Variants in CUX1 observed in about 807,000 individuals in gnomAD.
CUX1 encodes protein CASP.
CUX1 carries 31 observed loss-of-function variants against 158.8 expected under a neutral mutation model. The observed-to-expected ratio is 0.20, with a 90% CI of 0.15 to 0.26. CUX1 has a LOEUF of 0.26. Ranked by LOEUF, CUX1 falls within the 10% of genes least tolerant of loss-of-function variation. The probability of loss-of-function intolerance (pLI) is 1.00; values close to 1 mark genes in which losing one functional copy is unlikely to be tolerated. For missense variants in CUX1, 1,589 were observed against 2,014.6 expected (o/e 0.79, Z 4.04); for synonymous variants, 879 against 862.1 (o/e 1.02, Z -0.34).
intron 2 of CUX1, among the ~76,000 whole-genome samples, chr7:101,986,115 TC>T (rs1207633700): frequency 1.3e-5 from 2 of 152,202 alleles, no homozygotes; most frequent in East Asian, 3.8e-4. Context: ...AAAGAGCCCC[TC>T]ACAGACAATT....
intron 1 of CUX1, among the ~76,000 whole-genome samples, chr7:101,828,694 C>G (rs1793660105): frequency 8.9e-6 from 1 of 112,242 alleles, no homozygotes; most frequent in Non-Finnish European, 1.8e-5. Flanking sequence ...AGCAGTGGCC[C>G]TCATAGGCTT....
chr7:101,860,000 C>T (rs942980337), intron 1 of CUX1, among the ~76,000 whole-genome samples: 6 of 148,150 alleles, frequency 4.0e-5, no homozygotes, highest in African/African-American at 1.5e-4. Context: ...CCCTACCTTC[C>T]TCCCTTCCTT....
At chr7:101,968,339 T>C (rs1318561077) in intron 2 of CUX1, among the ~76,000 whole-genome samples, 1 of 152,190 alleles carries the variant, frequency 6.6e-6, no homozygotes, top group Non-Finnish European at 1.5e-5. Flanking sequence ...GTGGGTCCCC[T>C]GGACAACCCT....
At chr7:102,139,538 T>TA (rs1834230481) in intron 8 of CUX1, among the ~76,000 whole-genome samples, 2 of 152,196 alleles carry the variant, frequency 1.3e-5, no homozygotes, top group South Asian at 4.1e-4. Flanking sequence ...CCCACCCCTG[T>TA]AATCCCAGCA....
chr7:102,045,619 T>C (rs1189022322), intron 3 of CUX1, among the ~76,000 whole-genome samples: 3 of 152,296 alleles, frequency 2.0e-5, no homozygotes, highest in African/African-American at 4.8e-5. Context: ...CTCCATGTTG[T>C]ACAAGTCAAC....
intron 1 of CUX1, among the ~76,000 whole-genome samples, chr7:101,910,826 C>T (rs749912149): frequency 6.6e-6 from 1 of 151,680 alleles, no homozygotes; most frequent in Non-Finnish European, 1.5e-5. Flanking sequence ...AATTTTCCCA[C>T]TATTTCTGTT....
intron 1 of CUX1, among the ~76,000 whole-genome samples, chr7:101,867,482 C>G (rs1391865794): frequency 6.6e-6 from 1 of 152,214 alleles, no homozygotes; most frequent in Non-Finnish European, 1.5e-5. Context: ...CTGCCCCAGC[C>G]ACAACACCTC....
At chr7:101,836,684 C>CAAAAAAAAA (rs71755816) in intron 1 of CUX1, among the ~76,000 whole-genome samples, 1 of 77,806 alleles carries the variant, frequency 1.3e-5, no homozygotes, top group Non-Finnish European at 2.4e-5. Flanking sequence ...GACTCCTTCT[C>CAAAAAAAAA]AAAAAAAAAA....
intron 18 of CUX1, 93 bp from the exon 19 acceptor site, chr7:102,204,298 G>T: frequency 3.3e-6 from 5 of 1,512,898 alleles, no homozygotes; most frequent in Non-Finnish European, 4.5e-6. Context: ...CCCTAGACGC[G>T]CCCTCTGCGT....
chr7:102,124,039 T>C (rs1206629958), intron 8 of CUX1, among the ~76,000 whole-genome samples: 5 of 152,192 alleles, frequency 3.3e-5, no homozygotes, highest in Non-Finnish European at 5.9e-5. Flanking sequence ...CACCTGGGTT[T>C]GGCGTGCATT....
intron 6 of CUX1, among the ~76,000 whole-genome samples, chr7:102,108,214 A>G (rs1325986188): frequency 6.6e-6 from 1 of 152,238 alleles, no homozygotes; most frequent in Non-Finnish European, 1.5e-5. Flanking sequence ...CGTACCTAAT[A>G]TAATATGAAG....
intron 2 of CUX1, among the ~76,000 whole-genome samples, chr7:101,997,881 C>G (rs1046775873): frequency 6.6e-6 from 1 of 151,082 alleles, no homozygotes; most frequent in Non-Finnish European, 1.5e-5. Flanking sequence ...GACCCTGGAC[C>G]CCACCCCAGT....
chr7:102,198,769 T>G, intron 15 of CUX1, 33 bp from the exon 16 acceptor site: 8 of 1,594,082 alleles, frequency 5.0e-6, no homozygotes, highest in African/African-American at 1.3e-5. Context: ...TTCCCCTGAT[T>G]GTTTTGTTCT....
intron 1 of CUX1, among the ~76,000 whole-genome samples, chr7:101,864,498 G>A (rs1457778068): frequency 6.6e-6 from 1 of 151,658 alleles, no homozygotes; most frequent in Non-Finnish European, 1.5e-5. Flanking sequence ...ACATCTTAGT[G>A]GGTTTAAGGT....
intron 1 of CUX1, among the ~76,000 whole-genome samples, chr7:101,827,836 C>T (rs1468241765): frequency 6.6e-6 from 1 of 152,078 alleles, no homozygotes; most frequent in Non-Finnish European, 1.5e-5. Context: ...TAAAGGTCCT[C>T]ATTCTCTTTG....
chr7:101,845,268 G>A (rs1320410062), intron 1 of CUX1, among the ~76,000 whole-genome samples: 7 of 151,782 alleles, frequency 4.6e-5, no homozygotes, highest in African/African-American at 7.2e-5. Context: ...TTACATGTGC[G>A]AGCCCCCATG....
At chr7:102,010,205 C>CAGGAGTT (rs1817833641) in intron 2 of CUX1, among the ~76,000 whole-genome samples, 3 of 151,918 alleles carry the variant, frequency 2.0e-5, no homozygotes, top group Non-Finnish European at 4.4e-5. Context: ...ACCAGCCTGG[C>CAGGAGTT]CAACATGGTG....
chr7:101,820,050 C>T (rs1286213267), intron 1 of CUX1, among the ~76,000 whole-genome samples: 1 of 152,168 alleles, frequency 6.6e-6, no homozygotes, highest in Admixed American at 6.5e-5. Context: ...AAGACAAACC[C>T]ATCAGGGTTT....
intron 3 of CUX1, among the ~76,000 whole-genome samples, chr7:102,069,639 C>A (rs993624159): frequency 1.3e-5 from 2 of 152,124 alleles, no homozygotes; most frequent in Non-Finnish European, 2.9e-5. Flanking sequence ...ATTCCAGCTA[C>A]TTGGGAGGCT....
Sources: allele counts gnomAD v4.1 joint callset (sites outside exome capture counted in the v4.1 genomes callset), GRCh38; gene constraint gnomAD v4.1.1; transcripts MANE v1.5; gene names NCBI Gene and HGNC (gene_info 2026-07-23, HGNC 2026-07-21).